GABRG3: variants seen among roughly 807,000 people sequenced by gnomAD.
GABRG3 encodes gamma-aminobutyric acid type A receptor subunit gamma3.
GABRG3 carries 25 observed loss-of-function variants against 48.8 expected under a neutral mutation model. That is an observed-to-expected ratio of 0.51 (90% CI 0.37 to 0.72). GABRG3 has a LOEUF of 0.72. Among genes scored for constraint, GABRG3 ranks in the 30% least tolerant of loss-of-function variants. GABRG3 has a pLI of 0.00. For synonymous variants in GABRG3, 227 were observed against 217.6 expected (o/e 1.04, Z -0.38); for missense variants, 394 against 577.9 (o/e 0.68, Z 3.26).
At chr15:27,187,791 T>C (rs1489623142) in intron 3 of GABRG3, among the ~76,000 whole-genome samples, 2 of 152,118 alleles carry the variant, frequency 1.3e-5, no homozygotes, top group Admixed American at 1.3e-4. Context: ...GTTAGTTACA[T>C]ATGTATACAT....
intron 5 of GABRG3, among the ~76,000 whole-genome samples, chr15:27,396,261 A>T (rs1164007518): frequency 6.6e-6 from 1 of 152,236 alleles, no homozygotes; most frequent in African/African-American, 2.4e-5. Context: ...TTTCATTTGA[A>T]CAGAGCTTGT....
chr15:26,977,060 T>C lies in GABRG3; in HGVS notation c.112T>C (p.Leu38=), dbSNP rs1269997488. 6.2e-7 allele frequency: 1 copy of C among 1,614,008 alleles called. No homozygotes were observed. The highest frequency in any genetic ancestry group is 8.5e-7 in the Non-Finnish European group (1 of 1,179,878). ...TTCATCATCAAACCAAAAGTGGGTC[T>C]TGGCTCCAAAATCCCAAGACACCGA... ...EDSSSNQKWV[L]APKSQDTDVT... Residue 38 remains leucine (L), a synonymous_variant, in exon 2 of 10, where the codon TTG becomes CTG. Coordinates refer to ENST00000615808, the MANE Select transcript of GABRG3 (RefSeq NM_033223.5).
chr15:27,290,874 C>T (rs1259557495), intron 3 of GABRG3, among the ~76,000 whole-genome samples: 1 of 152,104 alleles, frequency 6.6e-6, no homozygotes, highest in Non-Finnish European at 1.5e-5. Context: ...ACACATATAC[C>T]ATACTAATGT....
chr15:27,112,391 T>G (rs375187775), intron 3 of GABRG3, among the ~76,000 whole-genome samples: 48 of 152,246 alleles, frequency 3.2e-4, no homozygotes, highest in African/African-American at 9.1e-4. Flanking sequence ...CTTTAATTTC[T>G]TTTTTATTTT....
intron 3 of GABRG3, among the ~76,000 whole-genome samples, chr15:27,317,907 A>G (rs1181244501): frequency 2.0e-5 from 3 of 152,230 alleles, no homozygotes; most frequent in African/African-American, 7.2e-5. Context: ...CATCCTCAAT[A>G]CAGCAAACAC....
chr15:27,417,963 GC>G (rs1463418720), intron 5 of GABRG3, among the ~76,000 whole-genome samples: 1 of 152,186 alleles, frequency 6.6e-6, no homozygotes, highest in Non-Finnish European at 1.5e-5. Flanking sequence ...TTCCTGTGGG[GC>G]TTTTGCGAGG....
At chr15:27,261,455 G>A (rs1051769186) in intron 3 of GABRG3, among the ~76,000 whole-genome samples, 8 of 151,562 alleles carry the variant, frequency 5.3e-5, no homozygotes, top group East Asian at 1.9e-4. Flanking sequence ...GGAGGGATTC[G>A]GGTTGGTGAG....
rs188534301 is a variant in GABRG3 at position 27,358,536 on chromosome 15, T to C, written c.574+29648T>C. 6.6e-3 allele frequency among the ~76,000 whole-genome samples: 1,009 copies of C among 152,064 alleles called. 7 individuals are homozygous for C. Among genetic ancestry groups the C allele is most frequent in the African/African-American group, 0.023 (969 of 41,492 alleles). On this transcript the variant is annotated intron_variant, in intron 5 of 9. Coordinates refer to ENST00000615808, the MANE Select transcript of GABRG3 (RefSeq NM_033223.5). ...GGTGAGATTAGGGGTGACACACTGC[T>C]TGCCAACGTAGGAGAAGGCTCTGCC...
chr15:27,532,325 T>TC (rs1055628943), intron 9 of GABRG3, among the ~76,000 whole-genome samples: 10 of 148,558 alleles, frequency 6.7e-5, no homozygotes, highest in African/African-American at 2.5e-4. Context: ...AGCTTTGGAG[T>TC]CCCCCTCCCT....
At chr15:27,223,763 G>A (rs187215303) in intron 3 of GABRG3, among the ~76,000 whole-genome samples, 130 of 152,202 alleles carry the variant, frequency 8.5e-4, no homozygotes, top group African/African-American at 2.8e-3. Context: ...CCCCTGCTGG[G>A]CAACACTCAG....
rs948841963 is a variant in GABRG3, at chr15:27,036,835, C to A, written c.270+10014C>A. The stretch of plus-strand genomic sequence containing the variant: ...GCCTTTCATATGTTGAATTATGTCC[C>A]CCACAAAAGGTATACGTTGAGTCTC... On this transcript the variant is annotated intron_variant, in intron 3 of 9. Coordinates refer to ENST00000615808, the MANE Select transcript of GABRG3 (RefSeq NM_033223.5). 7.9e-5 allele frequency among the ~76,000 whole-genome samples: 12 copies of A among 152,228 alleles called. No individual in the cohort carries two copies. In the South Asian group the frequency reaches 1.2e-3, roughly 16 times the overall value.
intron 3 of GABRG3, among the ~76,000 whole-genome samples, chr15:27,142,482 A>G (rs1479922632): frequency 1.3e-5 from 2 of 152,284 alleles, no homozygotes; most frequent in East Asian, 3.9e-4. Context: ...CTTATTCACT[A>G]CCATGAAAAC....
chr15:27,402,330 G>C (rs977994755), intron 5 of GABRG3, among the ~76,000 whole-genome samples: 1 of 152,204 alleles, frequency 6.6e-6, no homozygotes, highest in African/African-American at 2.4e-5. Flanking sequence ...GAAGACTTAA[G>C]GGGTTAAGTT....
intron 5 of GABRG3, among the ~76,000 whole-genome samples, chr15:27,390,030 G>A (rs1217088439): frequency 6.6e-6 from 1 of 152,154 alleles, no homozygotes; most frequent in East Asian, 1.9e-4. Context: ...TACAAATATG[G>A]ATGCCAGTGT....
rs1005054947 is a variant in GABRG3, at chr15:27,171,492, T to C, written c.270+144671T>C. Among the ~76,000 whole-genome samples the C allele has an allele frequency of 4.4e-5, 6 of 136,466 alleles. No homozygotes were observed. In the South Asian group the frequency reaches 1.4e-3, roughly 32 times the overall value. The allele number at this position is 136,466 out of a possible 152,430, so 89.5% of individuals were successfully genotyped here. On this transcript the variant is annotated intron_variant, in intron 3 of 9. Transcript: ENST00000615808. Reference sequence around the variant, plus strand: ...ATCACTTTTCTCCCCAAATTGTGTGTGTGTGCATGTCTAACATATATATAT... The same window carrying C: ...ATCACTTTTCTCCCCAAATTGTGTGCGTGTGCATGTCTAACATATATATAT...
intron 2 of GABRG3, among the ~76,000 whole-genome samples, chr15:26,979,438 C>G (rs1179622488): frequency 6.6e-6 from 1 of 152,108 alleles, no homozygotes; most frequent in Non-Finnish European, 1.5e-5. Context: ...AGGGGCAAAG[C>G]CTTCAGTCTT....
At chr15:27,118,129 C>A (rs1897673780) in intron 3 of GABRG3, among the ~76,000 whole-genome samples, 1 of 152,124 alleles carries the variant, frequency 6.6e-6, no homozygotes, top group African/African-American at 2.4e-5. Flanking sequence ...TAAGTCAGTC[C>A]ATAATGTAAT....
chr15:27,312,195 G>T (rs1893019892), intron 3 of GABRG3, among the ~76,000 whole-genome samples: 1 of 152,104 alleles, frequency 6.6e-6, no homozygotes, highest in Non-Finnish European at 1.5e-5. Flanking sequence ...CAGCAGAGTA[G>T]ATGAAGCAGA....
intron 2 of GABRG3, among the ~76,000 whole-genome samples, chr15:27,000,232 T>C (rs2140655216): frequency 6.6e-6 from 1 of 152,354 alleles, no homozygotes; most frequent in Admixed American, 6.5e-5. Context: ...TTTATCTTGT[T>C]GACTGCTTGA....
Sources: gnomAD v4.1 joint callset for allele counts (sites outside exome capture counted in the v4.1 genomes callset) on GRCh38, gnomAD v4.1.1 for gene constraint, MANE v1.5 for transcripts, NCBI Gene and HGNC (gene_info 2026-07-23, HGNC 2026-07-21) for gene names.